The following CDH13 variants were observed in gnomAD, a reference collection of about 807,000 sequenced individuals.
CDH13 encodes the protein cadherin 13.
CDH13 carries 24 observed loss-of-function variants against 63.8 expected under a neutral mutation model. The observed-to-expected ratio is 0.38, with a 90% confidence interval of 0.27 to 0.53. The LOEUF is 0.53. Among genes scored for constraint, CDH13 ranks in the 20% least tolerant of loss-of-function variants. The probability of loss-of-function intolerance (pLI) is 0.85; values close to 1 mark genes in which losing one functional copy is unlikely to be tolerated. For missense variants in CDH13, 1,049 were observed against 903.1 expected, an observed-to-expected ratio of 1.16 and a Z score of -2.07; for synonymous variants, 503 against 355.3, an observed-to-expected ratio of 1.42 and a Z score of -4.67.
chr16:82,842,112 G>GTATATA (rs1239169050), intron 1 of CDH13, among the ~76,000 whole-genome samples: 19 of 58,936 alleles, frequency 3.2e-4, no homozygotes, highest in African/African-American at 1.1e-3. Flanking sequence ...ATATATATAT[G>GTATATA]TATATATATA....
intron 7 of CDH13, among the ~76,000 whole-genome samples, chr16:83,571,557 A>T (rs901184376): frequency 6.6e-6 from 1 of 152,140 alleles, no homozygotes; most frequent in Non-Finnish European, 1.5e-5. Context: ...ACTCCCAGGT[A>T]ATGGTGACCA....
In CDH13 at chr16:83,783,184, C is replaced by T. The variant is rs539706693; in HGVS notation, c.1916-70C>T. The T allele has an allele frequency of 5.2e-5, 55 of 1,051,390 alleles. No individual in the cohort carries two copies. In the African/African-American group the frequency reaches 7.1e-4, roughly 14 times the overall value. 65.1% of individuals were successfully genotyped at this position (1,051,390 alleles called of 1,614,324 possible). A position where few individuals can be genotyped will look rare whatever the true frequency, so the allele number is the denominator to read the frequency against. On this transcript the variant is annotated intron_variant, in intron 12 of 13. Coordinates refer to ENST00000567109, the MANE Select transcript of CDH13 (RefSeq NM_001257.5). ...AATGCCTGTTTGGTGTGACTTTCAT[C>T]ACCAAAACCTCACTCTTTTATTGGA...
chr16:82,783,256 C>A (rs552137002), intron 1 of CDH13, among the ~76,000 whole-genome samples: 108 of 152,200 alleles, frequency 7.1e-4, no homozygotes, highest in Non-Finnish European at 1.3e-3. Context: ...ACAGGTGCTC[C>A]TAATAAATGC....
At chr16:83,485,883 T>C (rs2073875520) in intron 6 of CDH13, among the ~76,000 whole-genome samples, 1 of 152,094 alleles carries the variant, frequency 6.6e-6, no homozygotes, top group Non-Finnish European at 1.5e-5. Flanking sequence ...AGATGGAATC[T>C]TGTAATCCCA....
intron 3 of CDH13, among the ~76,000 whole-genome samples, chr16:83,084,457 C>T (rs1370262644): frequency 1.3e-5 from 2 of 152,260 alleles, no homozygotes; most frequent in Non-Finnish European, 2.9e-5. Context: ...GGAGGAGAAC[C>T]CATCACCTGT....
chr16:82,852,892 G>T (rs577883523), intron 1 of CDH13, among the ~76,000 whole-genome samples: 1 of 152,210 alleles, frequency 6.6e-6, no homozygotes, highest in South Asian at 2.1e-4. Flanking sequence ...TACAGTATGG[G>T]AGAGAAAAAG....
chr16:83,665,169 A>C (rs1913823871), intron 8 of CDH13, among the ~76,000 whole-genome samples: 1 of 140,872 alleles, frequency 7.1e-6, no homozygotes, highest in Non-Finnish European at 1.5e-5. Context: ...GGCATACATA[A>C]CTGAAAAAAA....
At chr16:82,645,094 C>G (rs920599503) in intron 1 of CDH13, among the ~76,000 whole-genome samples, 3 of 152,128 alleles carry the variant, frequency 2.0e-5, no homozygotes, top group Non-Finnish European at 4.4e-5. Flanking sequence ...CACAGTGGGT[C>G]TCGGGCACTA....
At chr16:83,691,331 T>G (rs1175777492) in intron 10 of CDH13, among the ~76,000 whole-genome samples, 1 of 152,090 alleles carries the variant, frequency 6.6e-6, no homozygotes, top group East Asian at 1.9e-4. Context: ...GCGTTTGTGC[T>G]ACAGATAGAA....
intron 2 of CDH13, among the ~76,000 whole-genome samples, chr16:82,917,249 G>A (rs963873220): frequency 6.6e-6 from 1 of 152,220 alleles, no homozygotes; most frequent in Non-Finnish European, 1.5e-5. Flanking sequence ...CAGTGCAAAA[G>A]CCTGACCATG....
chr16:83,515,003 T>C (rs1358092368), intron 7 of CDH13, among the ~76,000 whole-genome samples: 2 of 152,182 alleles, frequency 1.3e-5, no homozygotes, highest in African/African-American at 4.8e-5. Context: ...GATCATGTCT[T>C]ACCCAGGTGC....
chr16:83,644,500 G>T (rs1181113146), intron 8 of CDH13, among the ~76,000 whole-genome samples: 3 of 152,132 alleles, frequency 2.0e-5, no homozygotes, highest in African/African-American at 7.2e-5. Flanking sequence ...AAAATGCCTG[G>T]CCCAAAAGTA....
intron 2 of CDH13, among the ~76,000 whole-genome samples, chr16:82,979,796 A>T (rs1442099232): frequency 6.6e-6 from 1 of 152,204 alleles, no homozygotes; most frequent in Non-Finnish European, 1.5e-5. Flanking sequence ...TTGAAAGAGG[A>T]AAACAATAAG....
intron 1 of CDH13, among the ~76,000 whole-genome samples, chr16:82,665,675 C>G (rs920729448): frequency 6.6e-6 from 1 of 152,028 alleles, no homozygotes; most frequent in Admixed American, 6.6e-5. Context: ...TGTCATGCCT[C>G]AACTCTGCTT....
At chr16:82,718,436 A>G (rs1488109413) in intron 1 of CDH13, among the ~76,000 whole-genome samples, 1 of 152,120 alleles carries the variant, frequency 6.6e-6, no homozygotes, top group Non-Finnish European at 1.5e-5. Context: ...CCTGAAGTAG[A>G]AGTAGGAAGT....
chr16:83,660,625 A>G (rs927835141), intron 8 of CDH13, among the ~76,000 whole-genome samples: 1 of 152,212 alleles, frequency 6.6e-6, no homozygotes, highest in Admixed American at 6.5e-5. Context: ...AATTTGCCCC[A>G]CTTCATTGAA....
chr16:83,214,972 T>A (rs2039453029), intron 4 of CDH13, among the ~76,000 whole-genome samples: 1 of 151,614 alleles, frequency 6.6e-6, no homozygotes. Context: ...CTCATGGGGC[T>A]TCCAGGCAGC....
chr16:83,472,790 T>A (rs2073490717), intron 6 of CDH13, among the ~76,000 whole-genome samples: 1 of 152,184 alleles, frequency 6.6e-6, no homozygotes, highest in South Asian at 2.1e-4. Context: ...CTCCTTTTGC[T>A]CCTTAAATAT....
intron 10 of CDH13, among the ~76,000 whole-genome samples, chr16:83,694,012 A>C (rs896055792): frequency 1.3e-5 from 2 of 152,238 alleles, no homozygotes; most frequent in South Asian, 2.1e-4. Flanking sequence ...CTAGTCCACT[A>C]TCTGTCAGGA....
Sources: allele counts gnomAD v4.1 joint callset (sites outside exome capture counted in the v4.1 genomes callset), GRCh38; gene constraint gnomAD v4.1.1; transcripts MANE v1.5; gene names NCBI Gene and HGNC (gene_info 2026-07-23, HGNC 2026-07-21).